The following SH3GL2 variants were observed in gnomAD, a reference collection of about 807,000 sequenced individuals.
SH3GL2 encodes the protein endophilin-A1.
SH3GL2 carries 24 observed loss-of-function variants against 46.0 expected under a neutral mutation model. The ratio of observed to expected loss-of-function variants is 0.52; its 90% CI spans 0.38 to 0.73. The LOEUF is 0.73. Ranked by LOEUF, SH3GL2 falls within the 30% of genes least tolerant of loss-of-function variation. SH3GL2 has a pLI of 0.00. For missense variants in SH3GL2, 413 were observed against 424.2 expected (o/e 0.97, Z 0.23); for synonymous variants, 196 against 147.1 (o/e 1.33, Z -2.40).
chr9:17,765,418 G>A (rs529327721), intron 3 of SH3GL2, among the ~76,000 whole-genome samples: 44 of 152,280 alleles, frequency 2.9e-4, no homozygotes, highest in African/African-American at 1.0e-3. Flanking sequence ...TCCTATTGAA[G>A]TGATGACCAA....
At chr9:17,786,609 C>A in intron 4 of SH3GL2, 85 bp downstream of exon 4, 1 of 1,405,786 alleles carries the variant, frequency 7.1e-7, no homozygotes, top group Middle Eastern at 1.9e-4. Context: ...GGGAATCGGT[C>A]AAATCATTTT....
At chr9:17,788,681 G>C (rs1019754424) in intron 5 of SH3GL2, among the ~76,000 whole-genome samples, 1 of 152,118 alleles carries the variant, frequency 6.6e-6, no homozygotes, top group Non-Finnish European at 1.5e-5. Context: ...AGCTCAGCAT[G>C]GAGCATTAGA....
intron 1 of SH3GL2, among the ~76,000 whole-genome samples, chr9:17,725,467 C>G (rs1177407905): frequency 6.6e-6 from 1 of 152,122 alleles, no homozygotes; most frequent in Non-Finnish European, 1.5e-5. Flanking sequence ...TTTGACAATG[C>G]TCTTAGGCGT....
intron 3 of SH3GL2, among the ~76,000 whole-genome samples, chr9:17,763,858 C>G (rs947768915): frequency 6.6e-6 from 1 of 152,136 alleles, no homozygotes; most frequent in South Asian, 2.1e-4. Context: ...TCACGTTGCA[C>G]GATCCTGCCT....
In SH3GL2 at chr9:17,660,173, G is replaced by A. The variant is rs117869752; in HGVS notation, c.45+80886G>A. Among the ~76,000 whole-genome samples the A allele has an allele frequency of 2.2e-4, 33 of 152,304 alleles. No individual in the cohort carries two copies. In the East Asian group the frequency reaches 5.8e-3, roughly 27 times the overall value. On this transcript the variant is annotated intron_variant, in intron 1 of 8. Transcript: ENST00000380607. ...TGCATTAAGTTGGTTTGCCATTCAC[G>A]TGTGCTTTCTTTGGCCAGGGCTGTG...
intron 1 of SH3GL2, among the ~76,000 whole-genome samples, chr9:17,686,652 A>C (rs1393462635): frequency 1.7e-4 from 16 of 96,574 alleles, no homozygotes; most frequent in East Asian, 6.8e-4. Flanking sequence ...ACATGGATGA[A>C]ATTGGAAATC....
intron 1 of SH3GL2, among the ~76,000 whole-genome samples, chr9:17,597,431 C>T (rs541141158): frequency 3.9e-5 from 6 of 151,934 alleles, no homozygotes; most frequent in East Asian, 3.9e-4. Flanking sequence ...GCAGGAGAAT[C>T]GCTTTAACCC....
chr9:17,633,940 T>G (rs929783248), intron 1 of SH3GL2, among the ~76,000 whole-genome samples: 1 of 152,240 alleles, frequency 6.6e-6, no homozygotes, highest in Non-Finnish European at 1.5e-5. Flanking sequence ...TTTCTGCACT[T>G]TCTCCACTGC....
intron 1 of SH3GL2, among the ~76,000 whole-genome samples, chr9:17,644,563 C>T (rs1819760690): frequency 6.6e-6 from 1 of 152,082 alleles, no homozygotes; most frequent in South Asian, 2.1e-4. Flanking sequence ...TTTGTTTCTG[C>T]CTTAATTTTG....
rs1267204875 is a variant in SH3GL2, at chr9:17,787,370, T to A, written c.332-10T>A. On this transcript the variant is annotated splice_polypyrimidine_tract_variant and intron_variant, in intron 4 of 8. Transcript: ENST00000380607. ...ATTCTGTAACATGAAAGAGCTTTAT[T>A]CTCTCCTAGGCCCAGCACTTGGTGA... 1 of 1,607,668 alleles carries A rather than the reference T, an allele frequency of 6.2e-7. No homozygotes were observed. Among genetic ancestry groups the A allele is most frequent in the Admixed American group, 1.7e-5 (1 of 58,742 alleles).
intron 1 of SH3GL2, among the ~76,000 whole-genome samples, chr9:17,655,716 A>G (rs931471725): frequency 2.6e-5 from 4 of 152,124 alleles, no homozygotes; most frequent in African/African-American, 9.7e-5. Context: ...TTCTGATTTC[A>G]TGCCCTCTGG....
At chr9:17,584,464 C>T (rs1263280643) in intron 1 of SH3GL2, among the ~76,000 whole-genome samples, 2 of 152,178 alleles carry the variant, frequency 1.3e-5, no homozygotes, top group African/African-American at 4.8e-5. Context: ...GATGGTGCCA[C>T]TGCACTCCAG....
At chr9:17,736,931 A>G (rs529331165) in intron 1 of SH3GL2, among the ~76,000 whole-genome samples, 1 of 152,264 alleles carries the variant, frequency 6.6e-6, no homozygotes, top group East Asian at 1.9e-4. Context: ...TGTTCACAAT[A>G]GCAAAGACTT....
intron 3 of SH3GL2, 39 bp from the exon 4 acceptor site, chr9:17,786,342 A>G (rs1317311037): frequency 1.3e-6 from 2 of 1,585,004 alleles, no homozygotes; most frequent in Non-Finnish European, 1.7e-6. Flanking sequence ...GCAGTGTCAC[A>G]TTGCCTACTC....
At chr9:17,585,199 C>T (rs938614155) in intron 1 of SH3GL2, among the ~76,000 whole-genome samples, 2 of 151,916 alleles carry the variant, frequency 1.3e-5, no homozygotes, top group African/African-American at 2.4e-5. Context: ...CTTGAGGCAG[C>T]GGCGAGAGAA....
At chr9:17,624,904 A>G (rs3824388) in intron 1 of SH3GL2, among the ~76,000 whole-genome samples, 24,796 of 152,192 alleles carry the variant, frequency 0.16, 2,403 homozygotes, top group East Asian at 0.39. Flanking sequence ...TGTTGGGTCA[A>G]GTGGAAATGT....
At chr9:17,602,497 C>A (rs544248691) in intron 1 of SH3GL2, among the ~76,000 whole-genome samples, 9 of 152,164 alleles carry the variant, frequency 5.9e-5, no homozygotes, top group Non-Finnish European at 1.3e-4. Context: ...CTTTCACCCC[C>A]ATCTCCAGGA....
intron 1 of SH3GL2, among the ~76,000 whole-genome samples, chr9:17,697,458 G>A (rs540409026): frequency 1.3e-5 from 2 of 152,090 alleles, no homozygotes; most frequent in East Asian, 1.9e-4. Context: ...TCCTGACCTC[G>A]TGATCCGCCC....
At chr9:17,680,813 G>A (rs889301881) in intron 1 of SH3GL2, among the ~76,000 whole-genome samples, 9 of 152,114 alleles carry the variant, frequency 5.9e-5, no homozygotes, top group African/African-American at 2.2e-4. Flanking sequence ...GTGTCCCAGA[G>A]ATTCTGGTAT....
Sources: allele counts gnomAD v4.1 joint callset (sites outside exome capture counted in the v4.1 genomes callset), GRCh38; gene constraint gnomAD v4.1.1; transcripts MANE v1.5; gene names NCBI Gene and HGNC (gene_info 2026-07-23, HGNC 2026-07-21).